Variants in PRR23E observed in about 807,000 individuals in gnomAD.
PRR23E encodes proline-rich protein 23E.
chr3:127,197,420 C>A, the PRR23E span: 3 of 1,516,194 alleles, frequency 2.0e-6, no homozygotes, highest in Non-Finnish European at 1.8e-6. Flanking sequence ...GCTAATCAGC[C>A]CTCTAGACCC....
At chr3:127,196,542 T>A in the PRR23E span, 1 of 1,330,674 alleles carries the variant, frequency 7.5e-7, no homozygotes, top group Non-Finnish European at 9.9e-7. Context: ...TCCCCTCCTG[T>A]GCGACCTGGT....
chr3:127,196,701 T>C, the PRR23E span: 8 of 1,591,094 alleles, frequency 5.0e-6, no homozygotes, highest in East Asian at 1.8e-4. Context: ...CACAGGTGCA[T>C]CAGAGAAACA....
At chr3:127,197,093 CACCT>C in the PRR23E span, 1 of 1,598,230 alleles carries the variant, frequency 6.3e-7, no homozygotes, top group Non-Finnish European at 8.5e-7. Context: ...AATTCCCACC[CACCT>C]ACTCCTTGGC....
At chr3:127,196,651 C>T in the PRR23E span, 4 of 1,540,672 alleles carry the variant, frequency 2.6e-6, no homozygotes, top group South Asian at 3.7e-5. Flanking sequence ...ACTTGCCAGA[C>T]ACTTCGGGGC....
chr3:127,196,571 GCTGT>G, the PRR23E span: 41 of 1,432,278 alleles, frequency 2.9e-5, no homozygotes, highest in Non-Finnish European at 3.7e-5. Context: ...CCTCTGACTG[GCTGT>G]CTGCTCACCC....
At chr3:127,197,417 A>G in the PRR23E span, 1 of 1,536,982 alleles carries the variant, frequency 6.5e-7, no homozygotes, top group East Asian at 2.3e-5. Context: ...AGTGCTAATC[A>G]GCCCTCTAGA....
the PRR23E span, among the ~76,000 whole-genome samples, chr3:127,193,510 C>G: frequency 6.6e-6 from 1 of 152,082 alleles, no homozygotes; most frequent in African/African-American, 2.4e-5. Context: ...CCCTCAGCCC[C>G]AGCCCCTCCC....
the PRR23E span, chr3:127,197,300 A>G: frequency 6.3e-7 from 1 of 1,599,252 alleles, no homozygotes; most frequent in East Asian, 2.2e-5. Flanking sequence ...GCTGCAGTTC[A>G]GAGCTCCGCC....
chr3:127,197,569 C>G, the PRR23E span: 4 of 456,382 alleles, frequency 8.8e-6, no homozygotes, highest in Non-Finnish European at 1.4e-5. Flanking sequence ...CAAGGCCCCT[C>G]TATTTGCTAT....
At chr3:127,197,381 C>A in the PRR23E span, 1 of 1,559,924 alleles carries the variant, frequency 6.4e-7, no homozygotes, top group Non-Finnish European at 8.6e-7. Context: ...CCCGGTCACC[C>A]TGCAGGGCCC....
the PRR23E span, among the ~76,000 whole-genome samples, chr3:127,195,688 C>G: frequency 5.8e-4 from 88 of 152,228 alleles, no homozygotes; most frequent in Non-Finnish European, 9.6e-4. Context: ...GCCCCTGACC[C>G]CAGCCCTCAG....
chr3:127,194,358 C>T, the PRR23E span, among the ~76,000 whole-genome samples: 7 of 152,034 alleles, frequency 4.6e-5, no homozygotes, highest in African/African-American at 1.2e-4. Context: ...TAAAAAATCC[C>T]GTAATGTTTT....
the PRR23E span, among the ~76,000 whole-genome samples, chr3:127,194,921 T>A: frequency 6.6e-6 from 1 of 152,202 alleles, no homozygotes; most frequent in African/African-American, 2.4e-5. Flanking sequence ...GAATGCTTCT[T>A]CAGCCACACA....
At chr3:127,196,515 C>A in the PRR23E span, 1 of 1,053,708 alleles carries the variant, frequency 9.5e-7, no homozygotes, top group Non-Finnish European at 1.3e-6. Context: ...TCACCCCCAG[C>A]TGTCCCCCTC....
At chr3:127,197,693 T>C in the PRR23E span, 2 of 315,650 alleles carry the variant, frequency 6.3e-6, no homozygotes, top group Admixed American at 5.0e-5. Context: ...TCCTCAAACA[T>C]GCATGCATGC....
chr3:127,197,571 A>G, the PRR23E span: 5 of 451,900 alleles, frequency 1.1e-5, no homozygotes, highest in South Asian at 2.9e-4. Context: ...AGGCCCCTCT[A>G]TTTGCTATTT....
the PRR23E span, among the ~76,000 whole-genome samples, chr3:127,194,040 C>G: frequency 1.3e-5 from 2 of 152,234 alleles, no homozygotes; most frequent in African/African-American, 2.4e-5. Flanking sequence ...AGATATCGCC[C>G]TCTATTTTGT....
the PRR23E span, chr3:127,196,540 T>A: frequency 5.5e-5 from 63 of 1,154,932 alleles, no homozygotes; most frequent in Middle Eastern, 2.8e-4. Flanking sequence ...CATCCCCTCC[T>A]GTGCGACCTG....
chr3:127,194,966 C>A, the PRR23E span, among the ~76,000 whole-genome samples: 3 of 152,206 alleles, frequency 2.0e-5, no homozygotes, highest in Non-Finnish European at 4.4e-5. Flanking sequence ...ACGTTTCCAT[C>A]TCAGAGCATC....
Sources: gnomAD v4.1 joint callset for allele counts (sites outside exome capture counted in the v4.1 genomes callset) on GRCh38, gnomAD v4.1.1 for gene constraint, MANE v1.5 for transcripts, NCBI Gene and HGNC (gene_info 2026-07-23, HGNC 2026-07-21) for gene names.